Variants in AKT3 observed in about 807,000 individuals in gnomAD.
AKT3 encodes RAC-gamma serine/threonine-protein kinase.
A neutral mutation model predicts 65.3 loss-of-function variants in AKT3; 15 were observed. The observed-to-expected ratio is 0.23, with a 90% CI of 0.15 to 0.35. The LOEUF is 0.35. Ranked by LOEUF, AKT3 falls within the 10% of genes least tolerant of loss-of-function variation. AKT3 has a pLI of 1.00. For synonymous variants in AKT3, 206 were observed against 183.8 expected, an observed-to-expected ratio of 1.12 and a Z score of -0.98; for missense variants, 243 against 576.5, an observed-to-expected ratio of 0.42 and a Z score of 5.92.
chr1:243,844,689 C>T (rs915808665), intron 1 of AKT3, among the ~76,000 whole-genome samples: 5 of 152,190 alleles, frequency 3.3e-5, no homozygotes, highest in Non-Finnish European at 7.4e-5. Context: ...ATATTGTCCA[C>T]GCTGCACAAA....
At chr1:243,670,729 TAC>T (rs1683100826) in intron 3 of AKT3, among the ~76,000 whole-genome samples, 1 of 152,188 alleles carries the variant, frequency 6.6e-6, no homozygotes, top group South Asian at 2.1e-4. Flanking sequence ...TGTTATTTGT[TAC>T]ACTGTTACTT....
At chr1:243,573,225 AC>A (rs1674692816) in intron 8 of AKT3, among the ~76,000 whole-genome samples, 177 bp from the exon 9 acceptor site, 1 of 152,230 alleles carries the variant, frequency 6.6e-6, no homozygotes, top group Admixed American at 6.5e-5. Flanking sequence ...CCAAGGGGAA[AC>A]TGCGAGCTGT....
At chr1:243,526,421 G>A (rs1446638505) in intron 12 of AKT3, among the ~76,000 whole-genome samples, 1 of 152,060 alleles carries the variant, frequency 6.6e-6, no homozygotes, top group Non-Finnish European at 1.5e-5. Context: ...CCACTGCCAC[G>A]TACCAATAAG....
intron 1 of AKT3, among the ~76,000 whole-genome samples, chr1:243,848,877 T>G (rs1695627568): frequency 1.3e-5 from 2 of 152,266 alleles, no homozygotes; most frequent in African/African-American, 4.8e-5. Flanking sequence ...AATGCCACAT[T>G]GGTGAAATGA....
At chr1:243,654,223 GAAAATA>G (rs1444014508) in intron 4 of AKT3, among the ~76,000 whole-genome samples, 1 of 151,892 alleles carries the variant, frequency 6.6e-6, no homozygotes, top group Non-Finnish European at 1.5e-5. Flanking sequence ...ACTCTTACCA[GAAAATA>G]CAGCAACCTC....
intron 4 of AKT3, among the ~76,000 whole-genome samples, chr1:243,664,364 T>C (rs1289590008): frequency 2.0e-5 from 3 of 150,918 alleles, no homozygotes; most frequent in Non-Finnish European, 3.0e-5. Context: ...GCCTGGCTGA[T>C]TTTTTGTGTG....
intron 5 of AKT3, among the ~76,000 whole-genome samples, chr1:243,640,072 A>T (rs1454946192): frequency 2.0e-5 from 3 of 152,170 alleles, no homozygotes; most frequent in Non-Finnish European, 4.4e-5. Context: ...AATTTTCCCC[A>T]AATGTCAAAT....
In AKT3 at chr1:243,503,595, TG is replaced by T. The variant is rs1669477064; in HGVS notation, c.*1653del. ...GCTCCTAGCACCAAAGGGTTTAATC[TG>T]AAGATCATCATTAATGAAGGAGAAA... is the stretch of plus-strand genomic sequence containing the variant. On this transcript the variant is annotated 3_prime_UTR_variant, in exon 14 of 14. Transcript: ENST00000673466. The T allele has an allele frequency of 4.3e-6, 1 of 233,070 alleles. No individual in the cohort carries two copies. The highest frequency in any genetic ancestry group is 2.2e-5 in the African/African-American group (1 of 45,272). The allele number at this position is 233,070 out of a possible 1,614,324, so 14.4% of individuals were successfully genotyped here. A position where few individuals can be genotyped will look rare whatever the true frequency, so the allele number is the denominator to read the frequency against.
At chr1:243,840,363 G>C (rs1405192129) in intron 2 of AKT3, among the ~76,000 whole-genome samples, 5 of 151,692 alleles carry the variant, frequency 3.3e-5, no homozygotes, top group Non-Finnish European at 5.9e-5. Flanking sequence ...GGGGTGGGGG[G>C]CAAGGTAAGG....
intron 2 of AKT3, among the ~76,000 whole-genome samples, chr1:243,815,776 AGTT>A (rs145906932): frequency 3.0e-4 from 44 of 147,304 alleles, no homozygotes; most frequent in African/African-American, 9.0e-4. Flanking sequence ...ACACCCAGCT[AGTT>A]GTTGTTGTTG....
chr1:243,826,307 G>A (rs1249752332), intron 2 of AKT3, among the ~76,000 whole-genome samples: 1 of 152,138 alleles, frequency 6.6e-6, no homozygotes, highest in African/African-American at 2.4e-5. Context: ...ATTGAGAACT[G>A]AAGTACAAAC....
intron 6 of AKT3, chr1:243,624,995 CT>C: frequency 2.7e-6 from 1 of 363,742 alleles, no homozygotes. Context: ...TCCCTAGAGC[CT>C]TCATGTACTC....
chr1:243,840,631 C>T (rs1428420699), intron 2 of AKT3, among the ~76,000 whole-genome samples: 1 of 151,782 alleles, frequency 6.6e-6, no homozygotes, highest in Non-Finnish European at 1.5e-5. Context: ...TATTATAAAC[C>T]TTGACATATA....
rs573460907 is a variant in AKT3 at position 243,727,449 on chromosome 1, T to A, written c.47-31733A>T. On this transcript the variant is annotated intron_variant, in intron 2 of 13. Transcript: ENST00000673466. ...CATGCACTACCATGCGTGGCTAATTTTGTTCACTTTTTGTGGAGATAGGGT... is the reference window on the plus strand; with the variant it reads ...CATGCACTACCATGCGTGGCTAATTATGTTCACTTTTTGTGGAGATAGGGT... 2.6e-5 allele frequency among the ~76,000 whole-genome samples: 4 copies of A among 151,996 alleles called. No individual in the cohort carries two copies. In the South Asian group the frequency reaches 8.3e-4, roughly 32 times the overall value.
intron 12 of AKT3, among the ~76,000 whole-genome samples, chr1:243,514,233 C>T (rs1670202048): frequency 6.6e-6 from 1 of 152,170 alleles, no homozygotes; most frequent in Admixed American, 6.5e-5. Context: ...CTGCCCCATC[C>T]TTTTCATCTG....
intron 1 of AKT3, among the ~76,000 whole-genome samples, chr1:243,847,888 G>T (rs1026385644): frequency 5.3e-5 from 8 of 152,076 alleles, no homozygotes; most frequent in Non-Finnish European, 1.2e-4. Flanking sequence ...ATACAATTTA[G>T]AGTCGATGTC....
chr1:243,806,007 C>T (rs1450380910), intron 2 of AKT3, among the ~76,000 whole-genome samples: 3 of 152,114 alleles, frequency 2.0e-5, no homozygotes, highest in African/African-American at 7.2e-5. Flanking sequence ...TCCCTAAAAC[C>T]ATGGCATGCA....
chr1:243,578,081 T>C (rs1237758343), intron 8 of AKT3, among the ~76,000 whole-genome samples: 1 of 152,178 alleles, frequency 6.6e-6, no homozygotes, highest in Non-Finnish European at 1.5e-5. Flanking sequence ...TTTACAATGC[T>C]GGTGGGAATG....
chr1:243,804,176 T>C (rs1692571385), intron 2 of AKT3, among the ~76,000 whole-genome samples: 1 of 152,226 alleles, frequency 6.6e-6, no homozygotes, highest in Admixed American at 6.5e-5. Flanking sequence ...GTTGGATTTG[T>C]GCTGCTTAAA....
Sources: allele counts gnomAD v4.1 joint callset (sites outside exome capture counted in the v4.1 genomes callset), GRCh38; gene constraint gnomAD v4.1.1; transcripts MANE v1.5; gene names NCBI Gene and HGNC (gene_info 2026-07-23, HGNC 2026-07-21).